The following TRIM2 variants were observed in gnomAD, a reference collection of about 807,000 sequenced individuals.
The protein encoded by TRIM2 is tripartite motif-containing protein 2.
A neutral mutation model predicts 75.2 loss-of-function variants in TRIM2; 20 were observed. That is an observed-to-expected ratio of 0.27 (90% confidence interval 0.19 to 0.39). The LOEUF is 0.39. Among genes scored for constraint, TRIM2 ranks in the 10% least tolerant of loss-of-function variants. The pLI, the probability that TRIM2 is intolerant of heterozygous loss-of-function variation, is 1.00. For synonymous variants in TRIM2, 373 were observed against 388.3 expected (o/e 0.96, Z 0.46); for missense variants, 660 against 990.8 (o/e 0.67, Z 4.48).
chr4:153,185,085 G>A (rs912200635), intron 1 of TRIM2, among the ~76,000 whole-genome samples: 4 of 152,174 alleles, frequency 2.6e-5, no homozygotes, highest in Admixed American at 1.3e-4. Flanking sequence ...CAGCAGCATC[G>A]TTCCACAGTG....
chr4:153,321,514 A>G (rs900416277), intron 8 of TRIM2, among the ~76,000 whole-genome samples: 2 of 152,246 alleles, frequency 1.3e-5, no homozygotes, highest in Admixed American at 1.3e-4. Context: ...TAGAAATCAA[A>G]TGCTTTTCCC....
chr4:153,255,131 A>G (rs1323283957), intron 1 of TRIM2, among the ~76,000 whole-genome samples: 1 of 152,094 alleles, frequency 6.6e-6, no homozygotes, highest in East Asian at 1.9e-4. Context: ...CTTGCTTACT[A>G]ATCCATCTCC....
chr4:153,337,042 G>A lies in TRIM2; in HGVS notation c.*2076G>A, dbSNP rs1459624556. 1 of 983,752 alleles carries A rather than the reference G, an allele frequency of 1.0e-6. No individual in the cohort carries two copies. The highest frequency in any genetic ancestry group is 1.7e-5 in the African/African-American group (1 of 57,184). 60.9% of individuals were successfully genotyped at this position (983,752 alleles called of 1,614,324 possible). A position where few individuals can be genotyped will look rare whatever the true frequency, so the allele number is the denominator to read the frequency against. ...TGGAAATACAGTGATGGACAAAACA[G>A]GTAAAAAATCGCTGCCCCCTCAGAG... is the stretch of plus-strand genomic sequence containing the variant. On this transcript the variant is annotated 3_prime_UTR_variant, in exon 12 of 12. Transcript: ENST00000338700.
intron 8 of TRIM2, among the ~76,000 whole-genome samples, chr4:153,316,288 C>A (rs1454109676): frequency 6.6e-6 from 1 of 151,972 alleles, no homozygotes; most frequent in Non-Finnish European, 1.5e-5. Flanking sequence ...TACCTCAATT[C>A]AATGAAAAAC....
intron 1 of TRIM2, among the ~76,000 whole-genome samples, chr4:153,247,995 GTTTTTTTTT>G (rs34416658): frequency 1.6e-5 from 2 of 128,742 alleles, no homozygotes; most frequent in Admixed American, 1.6e-4. Context: ...TGGATCATGT[GTTTTTTTTT>G]TTTTTTTTTG....
chr4:153,240,282 T>C (rs1280633458), intron 1 of TRIM2, among the ~76,000 whole-genome samples: 3 of 152,224 alleles, frequency 2.0e-5, no homozygotes, highest in Admixed American at 6.5e-5. Context: ...TTGAAAATGT[T>C]TTCCTTTAAT....
intron 1 of TRIM2, among the ~76,000 whole-genome samples, chr4:153,165,733 C>G (rs1324331243): frequency 6.6e-6 from 1 of 152,182 alleles, no homozygotes; most frequent in East Asian, 1.9e-4. Flanking sequence ...GCCCTGTGTT[C>G]CTTCTAGTCT....
intron 3 of TRIM2, among the ~76,000 whole-genome samples, chr4:153,289,296 C>T (rs1460146927): frequency 3.3e-5 from 5 of 151,806 alleles, no homozygotes; most frequent in East Asian, 1.9e-4. Flanking sequence ...ATATTTTTTT[C>T]GTTCCCCACT....
rs1320145259 is a variant in TRIM2 at position 153,270,421 on chromosome 4, G to C, written c.117G>C (p.Val39=). 2.2e-5 allele frequency: 36 copies of C among 1,613,906 alleles called. No individual in the cohort carries two copies. The Admixed American group carries it at 5.0e-4, about 22-fold the overall frequency. The change falls in exon 2 of 12, where the codon GTG becomes GTC. Residue 39 remains valine, a synonymous_variant. Transcript: ENST00000338700. ...AAGGCACCAACATCCCAAGTCCTGT[G>C]GTGCGCCAGATTGACAAGCAGTTTC... ...ASEGTNIPSP[V]VRQIDKQFLI... is the part of the protein sequence containing the mutation.
chr4:153,337,512 T>C lies in TRIM2; in HGVS notation c.*2546T>C. On this transcript the variant is annotated 3_prime_UTR_variant, in exon 12 of 12. Transcript: ENST00000338700. ...GCACTCCAGGAAACACTATATTTTT[T>C]CCAAAAAATATGTGATTATATATGT... 1 of 985,816 alleles carries C rather than the reference T, an allele frequency of 1.0e-6. No individual in the cohort carries two copies. The highest frequency in any genetic ancestry group is 4.7e-5 in the South Asian group (1 of 21,284). 61.1% of individuals were successfully genotyped at this position (985,816 alleles called of 1,614,324 possible).
chr4:153,230,162 A>G (rs922898832), intron 1 of TRIM2, among the ~76,000 whole-genome samples: 3 of 151,212 alleles, frequency 2.0e-5, no homozygotes, highest in African/African-American at 7.3e-5. Context: ...TTACAGCCTC[A>G]ATACGTTTGC....
chr4:153,182,482 C>T (rs950517847), intron 1 of TRIM2, among the ~76,000 whole-genome samples: 2 of 152,112 alleles, frequency 1.3e-5, no homozygotes, highest in Non-Finnish European at 2.9e-5. Context: ...TTGCCCGTGA[C>T]TCGGTTTCCT....
intron 1 of TRIM2, among the ~76,000 whole-genome samples, chr4:153,214,052 T>C (rs1393144622): frequency 6.6e-6 from 1 of 152,070 alleles, no homozygotes; most frequent in Non-Finnish European, 1.5e-5. Flanking sequence ...ACTCTTATGA[T>C]AGTGTCTAGA....
chr4:153,210,778 G>A (rs1736766463), intron 1 of TRIM2, among the ~76,000 whole-genome samples: 1 of 152,106 alleles, frequency 6.6e-6, no homozygotes, highest in South Asian at 2.1e-4. Context: ...ACATACTGGA[G>A]GCACAGCATA....
At chr4:153,287,871 G>GT (rs1237042468) in intron 3 of TRIM2, among the ~76,000 whole-genome samples, 2 of 151,986 alleles carry the variant, frequency 1.3e-5, no homozygotes, top group Middle Eastern at 3.4e-3. Context: ...TGCTTTCCTT[G>GT]TTTTTTTCAT....
chr4:153,285,851 A>G (rs1760508597), intron 3 of TRIM2, among the ~76,000 whole-genome samples: 1 of 151,872 alleles, frequency 6.6e-6, no homozygotes, highest in Non-Finnish European at 1.5e-5. Context: ...CTTCCTTTCC[A>G]ATTTGGATGC....
At position 153,302,602 on chromosome 4, in the gene TRIM2, A is replaced by G. The variant is rs115217254; in HGVS notation, c.1510+6566A>G. ...GAAGTACAGAAAGGTGAAGAGGAGA[A>G]GACATGATTGTTATTTTGGAGACAC... is the stretch of plus-strand genomic sequence containing the variant. On this transcript the variant is annotated intron_variant, in intron 6 of 11. Coordinates refer to ENST00000338700, the MANE Select transcript of TRIM2 (RefSeq NM_015271.5). Among the ~76,000 whole-genome samples the G allele has an allele frequency of 6.8e-3, 1,030 of 152,342 alleles. 13 individuals carry two copies. The highest frequency in any genetic ancestry group is 0.023 in the African/African-American group (971 of 41,564).
At chr4:153,208,220 C>G (rs995807087) in intron 1 of TRIM2, among the ~76,000 whole-genome samples, 2 of 152,078 alleles carry the variant, frequency 1.3e-5, no homozygotes, top group African/African-American at 4.8e-5. Context: ...ATCACTTGAG[C>G]CTGGGAGGTG....
intron 1 of TRIM2, among the ~76,000 whole-genome samples, chr4:153,159,187 A>T (rs768962983): frequency 5.3e-5 from 8 of 151,724 alleles, no homozygotes; most frequent in Non-Finnish European, 1.0e-4. Flanking sequence ...CAGAATGAGG[A>T]CTTTGAACTT....
Sources: gnomAD v4.1 joint callset for allele counts (sites outside exome capture counted in the v4.1 genomes callset) on GRCh38, gnomAD v4.1.1 for gene constraint, MANE v1.5 for transcripts, NCBI Gene and HGNC (gene_info 2026-07-23, HGNC 2026-07-21) for gene names.